The following ALG5 variants were observed in gnomAD, a reference collection of about 807,000 sequenced individuals.
ALG5 encodes the protein ALG5 dolichyl-phosphate beta-glucosyltransferase.
In ALG5, 26 loss-of-function variants were observed where a neutral mutation model predicts 51.8. The observed-to-expected ratio is 0.50, with a 90% CI of 0.37 to 0.70. ALG5 has a LOEUF of 0.70. ALG5 is among the 30% of genes least tolerant of loss of function. ALG5 has a pLI of 0.00. For missense variants in ALG5, 311 were observed against 399.3 expected (o/e 0.78, Z 1.88); for synonymous variants, 141 against 136.1 (o/e 1.04, Z -0.25).
chr13:36,952,685 T>C, intron 8 of ALG5, 86 bp from the exon 9 acceptor site: 1 of 726,984 alleles, frequency 1.4e-6, no homozygotes, highest in East Asian at 3.2e-5. Context: ...TAAAGAAGCT[T>C]ACATGGCAGA....
chr13:36,966,858 C>T (rs1029368913), intron 7 of ALG5, among the ~76,000 whole-genome samples: 4 of 152,104 alleles, frequency 2.6e-5, no homozygotes, highest in Non-Finnish European at 5.9e-5. Context: ...TTTTTAGTAT[C>T]GTTCTTCCTT....
intron 4 of ALG5, among the ~76,000 whole-genome samples, chr13:36,990,058 T>A (rs2059019254): frequency 6.6e-6 from 1 of 152,190 alleles, no homozygotes; most frequent in African/African-American, 2.4e-5. Flanking sequence ...CTCAAATTCC[T>A]CTCTCTCAGC....
chr13:36,973,593 CA>C (rs1165195058), intron 6 of ALG5, among the ~76,000 whole-genome samples: 14 of 152,088 alleles, frequency 9.2e-5, no homozygotes, highest in African/African-American at 3.1e-4. Context: ...TTGTTAGTAA[CA>C]TTTTAAAGAA....
At chr13:36,999,021 C>A (rs893104387) in intron 1 of ALG5, 57 of 423,652 alleles carry the variant, frequency 1.3e-4, no homozygotes, top group Non-Finnish European at 2.3e-4. Context: ...AGTCTCTGAG[C>A]ACACAAAGAG....
intron 8 of ALG5, chr13:36,952,888 A>G (rs1221608107): frequency 4.8e-6 from 1 of 207,332 alleles, no homozygotes; most frequent in Admixed American, 6.1e-5. Context: ...TAATCCTGGA[A>G]AATTTCAAGA....
At chr13:36,978,693 C>T (rs2058965248) in intron 6 of ALG5, among the ~76,000 whole-genome samples, 2 of 151,644 alleles carry the variant, frequency 1.3e-5, no homozygotes, top group South Asian at 4.2e-4. Flanking sequence ...GAGAGGATCA[C>T]TTGAGGTCAG....
chr13:36,958,943 G>A (rs1217181777), intron 8 of ALG5, among the ~76,000 whole-genome samples: 1 of 151,938 alleles, frequency 6.6e-6, no homozygotes, highest in African/African-American at 2.4e-5. Context: ...CCCATTGTAT[G>A]GGAGCTCTGT....
chr13:36,963,833 AC>A (rs1566058991), intron 8 of ALG5, among the ~76,000 whole-genome samples: 3 of 152,216 alleles, frequency 2.0e-5, no homozygotes, highest in Admixed American at 1.3e-4. Context: ...ATGGACATAT[AC>A]TGGCATAATC....
intron 3 of ALG5, among the ~76,000 whole-genome samples, chr13:36,994,141 TG>T (rs2059038304): frequency 6.6e-6 from 1 of 152,190 alleles, no homozygotes; most frequent in African/African-American, 2.4e-5. Flanking sequence ...ATGTGGCTGG[TG>T]TGAAGATTAC....
intron 8 of ALG5, among the ~76,000 whole-genome samples, chr13:36,955,288 G>A (rs1028570956): frequency 1.3e-5 from 2 of 152,256 alleles, no homozygotes; most frequent in African/African-American, 4.8e-5. Flanking sequence ...GAGGCTCTGC[G>A]CATGGACACA....
chr13:36,968,285 C>T (rs890351678), intron 7 of ALG5, among the ~76,000 whole-genome samples: 2 of 152,094 alleles, frequency 1.3e-5, no homozygotes, highest in African/African-American at 4.8e-5. Context: ...AGTGTTAACG[C>T]TAGTATCTTC....
chr13:36,974,057 C>T lies in ALG5; in HGVS notation c.562-2021G>A, dbSNP rs563743904. ...CATTTCAGTATTTGAAGTAGCAAAC[C>T]TGCATCTCCATCCGAAGGGACTGGC... On this transcript the variant is annotated intron_variant, in intron 6 of 9. Transcript: ENST00000239891. Among the ~76,000 whole-genome samples, 3 of 152,292 alleles carry T rather than the reference C, an allele frequency of 2.0e-5. No homozygotes were observed. The East Asian group carries it at 5.8e-4, about 29-fold the overall frequency.
chr13:36,968,503 T>C (rs537880478), intron 7 of ALG5, among the ~76,000 whole-genome samples: 38 of 152,326 alleles, frequency 2.5e-4, no homozygotes, highest in African/African-American at 9.1e-4. Flanking sequence ...CCAGACCATA[T>C]ATAAACATTA....
chr13:36,976,147 G>T (rs1232936990), intron 6 of ALG5, among the ~76,000 whole-genome samples: 2 of 151,394 alleles, frequency 1.3e-5, no homozygotes, highest in Non-Finnish European at 2.9e-5. Flanking sequence ...GAATTTTCTA[G>T]GCTGGGCACG....
chr13:36,978,764 A>G (rs1360520560), intron 6 of ALG5, among the ~76,000 whole-genome samples: 1 of 151,230 alleles, frequency 6.6e-6, no homozygotes, highest in African/African-American at 2.4e-5. Context: ...AATACAAAAA[A>G]AGTTAGCCGG....
chr13:36,978,361 A>G (rs1038919118), intron 6 of ALG5, among the ~76,000 whole-genome samples: 1 of 150,924 alleles, frequency 6.6e-6, no homozygotes, highest in Non-Finnish European at 1.5e-5. Context: ...TAATTTTTAT[A>G]TTTTCAGTAG....
At chr13:36,959,362 C>T (rs1411988659) in intron 8 of ALG5, among the ~76,000 whole-genome samples, 1 of 151,686 alleles carries the variant, frequency 6.6e-6, no homozygotes, top group Non-Finnish European at 1.5e-5. Context: ...TTCAAATGTT[C>T]CCACCACAAA....
In ALG5 at chr13:36,981,089, C is replaced by A. The variant is rs141089239; in HGVS notation, c.561+4538G>T. Among the ~76,000 whole-genome samples the A allele has an allele frequency of 5.6e-3, 845 of 152,204 alleles. 7 individuals carry two copies. Among genetic ancestry groups the A allele is most frequent in the African/African-American group, 0.019 (794 of 41,536 alleles). ...TATATACATGTAGTTTAAAACCTTA[C>A]AGGAGCACTTATTATCAGAAAAGAA... On this transcript the variant is annotated intron_variant, in intron 6 of 9. Coordinates refer to ENST00000239891, the MANE Select transcript of ALG5 (RefSeq NM_013338.5).
chr13:36,971,649 C>CAAAAAA (rs35424140), intron 7 of ALG5, among the ~76,000 whole-genome samples: 22 of 50,606 alleles, frequency 4.3e-4, no homozygotes, highest in Admixed American at 9.8e-4. Flanking sequence ...ACTCCGTCTC[C>CAAAAAA]AAAAAAAAAA....
Sources: allele counts gnomAD v4.1 joint callset (sites outside exome capture counted in the v4.1 genomes callset), GRCh38; gene constraint gnomAD v4.1.1; transcripts MANE v1.5; gene names NCBI Gene and HGNC (gene_info 2026-07-23, HGNC 2026-07-21).